The following HS6ST3 variants were observed in gnomAD, a reference collection of about 807,000 sequenced individuals.
HS6ST3 encodes heparan-sulfate 6-O-sulfotransferase 3.
In HS6ST3, 12 loss-of-function variants were observed where a neutral mutation model predicts 36.7. The ratio of observed to expected loss-of-function variants is 0.33; its 90% confidence interval spans 0.21 to 0.53. HS6ST3 has a LOEUF of 0.53. Ranked by LOEUF, HS6ST3 falls within the 20% of genes least tolerant of loss-of-function variation. The probability of loss-of-function intolerance (pLI) is 0.95; values close to 1 mark genes in which losing one functional copy is unlikely to be tolerated. For synonymous variants in HS6ST3, 240 were observed against 257.5 expected, an observed-to-expected ratio of 0.93 and a Z score of 0.65; for missense variants, 584 against 640.9, an observed-to-expected ratio of 0.91 and a Z score of 0.96.
At chr13:96,680,691 G>A (rs2056715496) in intron 1 of HS6ST3, among the ~76,000 whole-genome samples, 1 of 152,172 alleles carries the variant, frequency 6.6e-6, no homozygotes, top group African/African-American at 2.4e-5. Context: ...AAGAAGACTG[G>A]CGTGAGGGGC....
Position 96,680,692 on chromosome 13 carries a change from C to T in HS6ST3, c.708-151798C>T, listed in dbSNP as rs543172571. ...TGGACCAACTTGTGAAGAAGACTGGCGTGAGGGGCTGACCCGCCATCTTGA... is the reference window on the plus strand; with the variant it reads ...TGGACCAACTTGTGAAGAAGACTGGTGTGAGGGGCTGACCCGCCATCTTGA... On this transcript the variant is annotated intron_variant, in intron 1 of 1. Coordinates refer to ENST00000376705, the MANE Select transcript of HS6ST3 (RefSeq NM_153456.4). 5.9e-5 allele frequency among the ~76,000 whole-genome samples: 9 copies of T among 152,292 alleles called. No individual in the cohort carries two copies. The East Asian group carries it at 1.7e-3, about 29-fold the overall frequency.
At chr13:96,793,735 T>C (rs1315758004) in intron 1 of HS6ST3, among the ~76,000 whole-genome samples, 1 of 152,104 alleles carries the variant, frequency 6.6e-6, no homozygotes, top group East Asian at 1.9e-4. Flanking sequence ...ATTTGATGTC[T>C]AATTAAATCT....
chr13:96,153,280 CAA>C (rs886285760), intron 1 of HS6ST3, among the ~76,000 whole-genome samples: 6 of 152,130 alleles, frequency 3.9e-5, no homozygotes, highest in African/African-American at 1.4e-4. Flanking sequence ...TTAGAGCACA[CAA>C]GAGAGTGATG....
intron 1 of HS6ST3, among the ~76,000 whole-genome samples, chr13:96,728,198 A>G (rs1876053654): frequency 6.6e-6 from 1 of 152,188 alleles, no homozygotes; most frequent in South Asian, 2.1e-4. Context: ...CAAAATAAAT[A>G]AGTAAAGTAC....
chr13:96,639,972 A>G (rs1046082390), intron 1 of HS6ST3, among the ~76,000 whole-genome samples: 3 of 151,980 alleles, frequency 2.0e-5, no homozygotes, highest in African/African-American at 2.4e-5. Flanking sequence ...TGTTGATTGC[A>G]TCTAGGTTGA....
At chr13:96,380,239 A>G (rs1283059356) in intron 1 of HS6ST3, among the ~76,000 whole-genome samples, 2 of 148,440 alleles carry the variant, frequency 1.3e-5, no homozygotes, top group Non-Finnish European at 3.0e-5. Context: ...TGAATCTTAT[A>G]ACAGATACTA....
chr13:96,263,835 G>C (rs2054678086), intron 1 of HS6ST3, among the ~76,000 whole-genome samples: 1 of 152,218 alleles, frequency 6.6e-6, no homozygotes, highest in African/African-American at 2.4e-5. Context: ...CTGATTTACA[G>C]TGTTTTCTTG....
chr13:96,102,576 T>G (rs905799761), intron 1 of HS6ST3, among the ~76,000 whole-genome samples: 1 of 152,230 alleles, frequency 6.6e-6, no homozygotes, highest in Non-Finnish European at 1.5e-5. Context: ...TGCAGATAAT[T>G]TCTTTGCTTT....
intron 1 of HS6ST3, among the ~76,000 whole-genome samples, chr13:96,426,132 A>T (rs542293199): frequency 7.6e-5 from 11 of 145,274 alleles, no homozygotes; most frequent in South Asian, 4.4e-4. Context: ...GGGTAAAATT[A>T]AAAAAAAAAT....
chr13:96,444,663 T>C (rs2139482176), intron 1 of HS6ST3, among the ~76,000 whole-genome samples: 3 of 152,344 alleles, frequency 2.0e-5, no homozygotes, highest in Middle Eastern at 6.8e-3. Context: ...TAGGGTTTCT[T>C]ATGTAGGAAT....
At chr13:96,604,453 A>T (rs557000260) in intron 1 of HS6ST3, among the ~76,000 whole-genome samples, 1 of 152,270 alleles carries the variant, frequency 6.6e-6, no homozygotes, top group East Asian at 1.9e-4. Context: ...GACAATGCAT[A>T]TTGGTTGATG....
In HS6ST3 at chr13:96,162,121, C is replaced by G. The variant is rs1033998636; in HGVS notation, c.707+70552C>G. Among the ~76,000 whole-genome samples, 3 of 152,100 alleles carry G rather than the reference C, an allele frequency of 2.0e-5. No homozygotes were observed. In the South Asian group the frequency reaches 6.2e-4, roughly 32 times the overall value. On this transcript the variant is annotated intron_variant, in intron 1 of 1. Coordinates refer to ENST00000376705, the MANE Select transcript of HS6ST3 (RefSeq NM_153456.4). ...AGCCTGGGAACAGCTTAATAGTACA[C>G]CAGTGATTTGGGAGATCAAGGAATT...
chr13:96,586,872 T>A (rs749132535), intron 1 of HS6ST3, among the ~76,000 whole-genome samples: 3 of 152,190 alleles, frequency 2.0e-5, no homozygotes, highest in Non-Finnish European at 2.9e-5. Flanking sequence ...AAAAAGTCAT[T>A]GCCCAGACCA....
chr13:96,434,752 T>A (rs1167377260), intron 1 of HS6ST3, among the ~76,000 whole-genome samples: 1 of 152,124 alleles, frequency 6.6e-6, no homozygotes, highest in Non-Finnish European at 1.5e-5. Flanking sequence ...ATTGCTTTTA[T>A]GACAACTAAA....
chr13:96,690,034 A>G (rs1874907698), intron 1 of HS6ST3, among the ~76,000 whole-genome samples: 1 of 152,104 alleles, frequency 6.6e-6, no homozygotes, highest in Non-Finnish European at 1.5e-5. Flanking sequence ...AGATGCTGGA[A>G]CAGAAATCCC....
chr13:96,822,021 T>A (rs866596507), intron 1 of HS6ST3, among the ~76,000 whole-genome samples: 1 of 152,222 alleles, frequency 6.6e-6, no homozygotes, highest in Non-Finnish European at 1.5e-5. Flanking sequence ...AGACACCTCA[T>A]GGTTTCTACC....
chr13:96,583,859 G>T (rs2056351343), intron 1 of HS6ST3, among the ~76,000 whole-genome samples: 1 of 152,090 alleles, frequency 6.6e-6, no homozygotes, highest in Admixed American at 6.6e-5. Flanking sequence ...TGAGATTTTG[G>T]ATTGTCTAAT....
At chr13:96,710,707 G>A (rs1324726596) in intron 1 of HS6ST3, among the ~76,000 whole-genome samples, 1 of 152,214 alleles carries the variant, frequency 6.6e-6, no homozygotes, top group African/African-American at 2.4e-5. Context: ...CTGAACAGGT[G>A]TTGCCTCCTA....
intron 1 of HS6ST3, among the ~76,000 whole-genome samples, chr13:96,473,115 C>T (rs2055847303): frequency 6.6e-6 from 1 of 152,160 alleles, no homozygotes; most frequent in Non-Finnish European, 1.5e-5. Context: ...TACTACCTTG[C>T]CTAGCAGTAT....
Sources: allele counts gnomAD v4.1 joint callset (sites outside exome capture counted in the v4.1 genomes callset), GRCh38; gene constraint gnomAD v4.1.1; transcripts MANE v1.5; gene names NCBI Gene and HGNC (gene_info 2026-07-23, HGNC 2026-07-21).